Variants in ZMAT2 observed in about 807,000 individuals in gnomAD.
The protein encoded by ZMAT2 is zinc finger matrin-type 2.
Under a neutral mutation model 27.5 loss-of-function variants are expected in ZMAT2, and 5 were observed. The observed-to-expected ratio is 0.18, with a 90% CI of 0.10 to 0.38. ZMAT2 has a LOEUF of 0.38. Ranked by LOEUF, ZMAT2 falls within the 10% of genes least tolerant of loss-of-function variation. The pLI is 1.00. For missense variants in ZMAT2, 124 were observed against 243.9 expected, an observed-to-expected ratio of 0.51 and a Z score of 3.27; for synonymous variants, 76 against 78.6, an observed-to-expected ratio of 0.97 and a Z score of 0.17.
chr5:140,702,220 G>A, intron 3 of ZMAT2, 91 bp downstream of exon 3: 1 of 1,492,212 alleles, frequency 6.7e-7, no homozygotes, highest in Non-Finnish European at 9.1e-7. Flanking sequence ...AAGGTCCTTG[G>A]CCCCAGGATT....
At chr5:140,701,124 C>T (rs1759954384) in intron 2 of ZMAT2, among the ~76,000 whole-genome samples, 1 of 152,202 alleles carries the variant, frequency 6.6e-6, no homozygotes, top group African/African-American at 2.4e-5. Context: ...CTATTTCACT[C>T]TGCTTCCTTG....
intron 2 of ZMAT2, 129 bp downstream of exon 2, chr5:140,701,041 C>G: frequency 2.3e-6 from 2 of 859,258 alleles, no homozygotes; most frequent in South Asian, 3.6e-5. Flanking sequence ...TTCCCTGGGC[C>G]TAGGTTTCTG....
At chr5:140,702,667 A>C (rs1236146868) in intron 3 of ZMAT2, among the ~76,000 whole-genome samples, 1 of 152,250 alleles carries the variant, frequency 6.6e-6, no homozygotes, top group East Asian at 1.9e-4. Context: ...GAGAGAAATT[A>C]GGTGGAGCTA....
intron 3 of ZMAT2, among the ~76,000 whole-genome samples, chr5:140,702,532 G>A (rs1759979804): frequency 1.3e-5 from 2 of 152,100 alleles, no homozygotes; most frequent in South Asian, 4.1e-4. Flanking sequence ...ACTCAATATA[G>A]TTTTTAAATT....
intron 3 of ZMAT2, among the ~76,000 whole-genome samples, chr5:140,703,535 C>T (rs1023265623): frequency 6.6e-6 from 1 of 152,136 alleles, no homozygotes; most frequent in Non-Finnish European, 1.5e-5. Flanking sequence ...TGCCCGGCCA[C>T]CCCATAGACC....
At chr5:140,705,402 A>G (rs1191178268) in intron 5 of ZMAT2, among the ~76,000 whole-genome samples, 1 of 152,138 alleles carries the variant, frequency 6.6e-6, no homozygotes, top group Non-Finnish European at 1.5e-5. Flanking sequence ...GACTGGGTCA[A>G]AATTCTGTTT....
At chr5:140,700,776 C>A in intron 1 of ZMAT2, 43 bp from the exon 2 acceptor site, 1 of 1,603,660 alleles carries the variant, frequency 6.2e-7, no homozygotes, top group South Asian at 1.1e-5. Context: ...TCTCTAGGGG[C>A]CCAGACACGG....
chr5:140,703,236 C>G (rs983574458), intron 3 of ZMAT2, among the ~76,000 whole-genome samples: 1 of 148,090 alleles, frequency 6.8e-6, no homozygotes, highest in Admixed American at 6.7e-5. Context: ...TTTCTTTTTT[C>G]TTTTCTTTTT....
Position 140,706,100 on chromosome 5 carries a change from TC to T in ZMAT2, c.*347del, listed in dbSNP as rs1760052777. The T allele has an allele frequency of 4.4e-6, 1 of 227,770 alleles. No individual in the cohort carries two copies. Among genetic ancestry groups the T allele is most frequent in the Non-Finnish European group, 8.6e-6 (1 of 116,464 alleles). 14.1% of individuals were successfully genotyped at this position (227,770 alleles called of 1,614,324 possible). A position where few individuals can be genotyped will look rare whatever the true frequency, so the allele number is the denominator to read the frequency against. ...ATCTATCCCACCTCTTGTCTGAACA[TC>T]CCACCTTTATCCTGTGTTCTGCCTT... On this transcript the variant is annotated 3_prime_UTR_variant, in exon 6 of 6. Coordinates refer to ENST00000274712, the MANE Select transcript of ZMAT2 (RefSeq NM_144723.3).
intron 3 of ZMAT2, among the ~76,000 whole-genome samples, chr5:140,703,241 C>CTTT (rs34233013): frequency 7.2e-6 from 1 of 138,746 alleles, no homozygotes; most frequent in African/African-American, 2.6e-5. Flanking sequence ...TTTTTCTTTT[C>CTTT]TTTTTTTTTT....
intron 2 of ZMAT2, 150 bp from the exon 3 acceptor site, chr5:140,701,856 T>A: frequency 1.2e-6 from 1 of 852,610 alleles, no homozygotes; most frequent in Non-Finnish European, 1.7e-6. Context: ...GTTGAGATTC[T>A]CCCCAGCTGC....
Position 140,702,122 on chromosome 5 carries a change from A to G in ZMAT2, c.229A>G (p.Met77Val). ...VITKTTPQSE[M>V]GGYYCNVCDC... ...TACCAAGACAACCCCTCAATCTGAG[A>G]TGGGAGGGTGAGTTGCTTATCATTT... Residue 77 changes from methionine (M) to valine (V), a missense_variant, in exon 3 of 6, where the codon ATG becomes GTG. Met to Val is a conservative substitution (Grantham distance 21, BLOSUM62 1). Transcript: ENST00000274712. The G allele has an allele frequency of 6.2e-7, 1 of 1,611,714 alleles. No individual in the cohort carries two copies. The highest frequency in any genetic ancestry group is 8.5e-7 in the Non-Finnish European group (1 of 1,179,100).
chr5:140,703,885 A>AT (rs1562072380), intron 3 of ZMAT2, 33 bp from the exon 4 acceptor site: 1 of 1,599,062 alleles, frequency 6.3e-7, no homozygotes, highest in South Asian at 1.1e-5. Flanking sequence ...CCTTAAAACC[A>AT]TATTTGACTC....
At chr5:140,702,762 C>T (rs1398022696) in intron 3 of ZMAT2, among the ~76,000 whole-genome samples, 3 of 152,096 alleles carry the variant, frequency 2.0e-5, no homozygotes, top group Non-Finnish European at 2.9e-5. Context: ...GTTATGGATG[C>T]CTGATTGTAC....
chr5:140,704,337 A>G (rs1760013684), intron 4 of ZMAT2, 89 bp from the exon 5 acceptor site: 1 of 1,493,310 alleles, frequency 6.7e-7, no homozygotes, highest in South Asian at 1.3e-5. Context: ...TGTGTGTTTT[A>G]TGAGATGTCA....
At chr5:140,702,178 G>A (rs756197924) in intron 3 of ZMAT2, 49 bp downstream of exon 3, 3 of 1,599,828 alleles carry the variant, frequency 1.9e-6, no homozygotes, top group South Asian at 1.1e-5. Context: ...CATCTAATAA[G>A]CCACCTATTT....
At chr5:140,702,156 C>T in intron 3 of ZMAT2, 27 bp downstream of exon 3, 1 of 1,607,746 alleles carries the variant, frequency 6.2e-7, no homozygotes, top group Non-Finnish European at 8.5e-7. Flanking sequence ...TTTTCCTCTG[C>T]AGCCAAGAAT....
intron 1 of ZMAT2, 25 bp downstream of exon 1, chr5:140,700,503 G>T: frequency 6.2e-7 from 1 of 1,612,862 alleles, no homozygotes; most frequent in Non-Finnish European, 8.5e-7. Flanking sequence ...TGAGGAGGAG[G>T]TTTTGCGGGG....
chr5:140,700,593 G>A (rs1759940643), intron 1 of ZMAT2, 115 bp downstream of exon 1: 1 of 1,570,300 alleles, frequency 6.4e-7, no homozygotes, highest in South Asian at 1.1e-5. Flanking sequence ...GAGATCCCAG[G>A]GTTCAGGTTC....
Sources: gnomAD v4.1 joint callset for allele counts (sites outside exome capture counted in the v4.1 genomes callset) on GRCh38, gnomAD v4.1.1 for gene constraint, MANE v1.5 for transcripts, NCBI Gene and HGNC (gene_info 2026-07-23, HGNC 2026-07-21) for gene names.